SLC4A4: variants seen among roughly 807,000 people sequenced by gnomAD.
SLC4A4 encodes electrogenic sodium bicarbonate cotransporter 1.
A neutral mutation model predicts 111.5 loss-of-function variants in SLC4A4; 27 were observed. That is an observed-to-expected ratio of 0.24 (90% CI 0.18 to 0.33). SLC4A4 has a LOEUF of 0.33. Among genes scored for constraint, SLC4A4 ranks in the 10% least tolerant of loss-of-function variants. SLC4A4 has a pLI of 1.00. For synonymous variants in SLC4A4, 443 were observed against 463.4 expected (o/e 0.96, Z 0.57); for missense variants, 909 against 1,315.5 (o/e 0.69, Z 4.78).
At chr4:71,549,059 A>T (rs908283832) in intron 20 of SLC4A4, among the ~76,000 whole-genome samples, 1 of 151,956 alleles carries the variant, frequency 6.6e-6, no homozygotes, top group African/African-American at 2.4e-5. Context: ...CTTAGACAAG[A>T]CATTAAGATT....
At chr4:71,455,376 TA>T (rs1220643756) in intron 12 of SLC4A4, among the ~76,000 whole-genome samples, 1 of 152,160 alleles carries the variant, frequency 6.6e-6, no homozygotes, top group Non-Finnish European at 1.5e-5. Flanking sequence ...CTGAATACAT[TA>T]AATTGTAGTA....
At chr4:71,240,749 C>T (rs1003402633) in intron 2 of SLC4A4, among the ~76,000 whole-genome samples, 3 of 152,130 alleles carry the variant, frequency 2.0e-5, no homozygotes, top group Non-Finnish European at 4.4e-5. Context: ...GAATGTATAA[C>T]ATAAACTAAA....
intron 12 of SLC4A4, among the ~76,000 whole-genome samples, chr4:71,460,963 G>A (rs1164242933): frequency 2.0e-5 from 3 of 151,944 alleles, no homozygotes; most frequent in South Asian, 2.1e-4. Flanking sequence ...ATTTTTGATC[G>A]TGTGGTTTGT....
At chr4:71,124,119 G>A (rs144854432) in intron 2 of SLC4A4, among the ~76,000 whole-genome samples, 1 of 151,648 alleles carries the variant, frequency 6.6e-6, no homozygotes, top group African/African-American at 2.4e-5. Context: ...TGAGAATTTG[G>A]TATATGAAAT....
At chr4:71,546,592 A>C (rs2149234748) in intron 19 of SLC4A4, 64 bp downstream of exon 19, 2 of 1,384,250 alleles carry the variant, frequency 1.4e-6, no homozygotes, top group Middle Eastern at 1.8e-4. Flanking sequence ...TGTGGCAATC[A>C]TAAGGATATG....
At chr4:71,337,750 A>G (rs1048015869) in intron 3 of SLC4A4, among the ~76,000 whole-genome samples, 1 of 152,072 alleles carries the variant, frequency 6.6e-6, no homozygotes, top group Non-Finnish European at 1.5e-5. Context: ...TAAATCAAGA[A>G]GTGCTGGGTG....
chr4:71,548,542 TATTG>T (rs1179193989), intron 20 of SLC4A4, among the ~76,000 whole-genome samples: 2 of 151,900 alleles, frequency 1.3e-5, no homozygotes, highest in Non-Finnish European at 2.9e-5. Context: ...GCTTGCGAAT[TATTG>T]ATAGTTTGTA....
intron 14 of SLC4A4, among the ~76,000 whole-genome samples, chr4:71,481,440 A>G (rs757604975): frequency 2.0e-5 from 3 of 151,688 alleles, no homozygotes; most frequent in Non-Finnish European, 4.4e-5. Flanking sequence ...ACAGTGCAAC[A>G]GATACTCCCC....
At chr4:71,125,124 A>G (rs1003752614) in intron 2 of SLC4A4, among the ~76,000 whole-genome samples, 1 of 152,158 alleles carries the variant, frequency 6.6e-6, no homozygotes, top group African/African-American at 2.4e-5. Context: ...GTATCTGGTT[A>G]TGGACTTATT....
intron 8 of SLC4A4, among the ~76,000 whole-genome samples, chr4:71,447,195 G>A (rs1315792556): frequency 6.6e-6 from 1 of 152,192 alleles, no homozygotes; most frequent in Non-Finnish European, 1.5e-5. Flanking sequence ...TCTTAAAAGT[G>A]TGGAGACGAT....
At position 71,249,139 on chromosome 4, in the gene SLC4A4, G is replaced by A. The variant is rs372252435; in HGVS notation, c.74-6081G>A. ...CTTGAGGATTTCTGGGAGGCTTTCA[G>A]TATATAAAATTCCCATGCAGTTCAG... is the stretch of plus-strand genomic sequence containing the variant. On this transcript the variant is annotated intron_variant, in intron 2 of 25. Coordinates refer to ENST00000264485, the MANE Select transcript of SLC4A4 (RefSeq NM_001098484.3). Among the ~76,000 whole-genome samples, 5 of 152,204 alleles carry A rather than the reference G, an allele frequency of 3.3e-5. No individual in the cohort carries two copies. In the East Asian group the frequency reaches 7.7e-4, roughly 24 times the overall value.
chr4:71,535,076 ATATG>A (rs1734289631), intron 18 of SLC4A4, among the ~76,000 whole-genome samples: 1 of 152,126 alleles, frequency 6.6e-6, no homozygotes. Context: ...AAGAAGTGAG[ATATG>A]AATGGTAACA....
intron 6 of SLC4A4, among the ~76,000 whole-genome samples, chr4:71,383,664 A>G (rs1453101681): frequency 1.7e-4 from 26 of 152,164 alleles, no homozygotes. Context: ...AGGAAAACTA[A>G]CATCTATTGA....
At chr4:71,435,255 C>T (rs1293974304) in intron 7 of SLC4A4, among the ~76,000 whole-genome samples, 8 of 152,190 alleles carry the variant, frequency 5.3e-5, no homozygotes, top group African/African-American at 1.7e-4. Flanking sequence ...AATAACATCA[C>T]ACATCTACAA....
At chr4:71,277,644 TTC>T (rs1035496329) in intron 3 of SLC4A4, among the ~76,000 whole-genome samples, 5 of 150,384 alleles carry the variant, frequency 3.3e-5, no homozygotes, top group Non-Finnish European at 7.4e-5. Context: ...TCTCATTCAC[TTC>T]TCTCTCCTTC....
intron 1 of SLC4A4, among the ~76,000 whole-genome samples, chr4:71,209,856 AT>A (rs1239706624): frequency 6.6e-6 from 1 of 152,062 alleles, no homozygotes; most frequent in Non-Finnish European, 1.5e-5. Flanking sequence ...TTTTCAGGAG[AT>A]TTTAGCACTG....
chr4:71,350,350 A>G (rs1262986523), intron 5 of SLC4A4, among the ~76,000 whole-genome samples: 1 of 151,226 alleles, frequency 6.6e-6, no homozygotes, highest in Non-Finnish European at 1.5e-5. Flanking sequence ...TCCTTTCCCT[A>G]TGTTTTTGAT....
intron 14 of SLC4A4, among the ~76,000 whole-genome samples, chr4:71,484,154 C>G (rs1390829183): frequency 1.3e-5 from 2 of 151,816 alleles, no homozygotes; most frequent in Non-Finnish European, 2.9e-5. Flanking sequence ...GTTTATTTTG[C>G]TGTGCAGAAG....
chr4:71,281,286 G>C (rs1723493586), intron 3 of SLC4A4, among the ~76,000 whole-genome samples: 1 of 152,178 alleles, frequency 6.6e-6, no homozygotes, highest in Admixed American at 6.5e-5. Context: ...ATTGGGGTCT[G>C]AGTCCAACTT....
Sources: allele counts gnomAD v4.1 joint callset (sites outside exome capture counted in the v4.1 genomes callset), GRCh38; gene constraint gnomAD v4.1.1; transcripts MANE v1.5; gene names NCBI Gene and HGNC (gene_info 2026-07-23, HGNC 2026-07-21).